NRXN3: variants seen among roughly 807,000 people sequenced by gnomAD.
NRXN3 encodes the protein neurexin 3.
In NRXN3, 32 loss-of-function variants were observed where a neutral mutation model predicts 137.6. The ratio of observed to expected loss-of-function variants is 0.23; its 90% CI spans 0.18 to 0.31. The LOEUF is 0.31. Among genes scored for constraint, NRXN3 ranks in the 10% least tolerant of loss-of-function variants. NRXN3 has a pLI of 1.00. For synonymous variants in NRXN3, 798 were observed against 784.5 expected (o/e 1.02, Z -0.29); for missense variants, 1,574 against 2,062.5 (o/e 0.76, Z 4.59).
intron 10 of NRXN3, among the ~76,000 whole-genome samples, chr14:78,930,016 C>G (rs1277503544): frequency 3.9e-5 from 6 of 152,118 alleles, no homozygotes; most frequent in African/African-American, 7.2e-5. Flanking sequence ...TTATTAATGT[C>G]AGCCTACCTT....
chr14:79,713,059 T>G (rs1418005058), intron 19 of NRXN3, among the ~76,000 whole-genome samples: 1 of 152,140 alleles, frequency 6.6e-6, no homozygotes, highest in Non-Finnish European at 1.5e-5. Flanking sequence ...GAAATTATCT[T>G]CACTAATAAA....
rs139596761 is a variant in NRXN3 at position 78,494,421 on chromosome 14, G to GTTTTTTTTTTTT, written c.758-150695_758-150694insTTTTTTTTTTTT. On this transcript the variant is annotated intron_variant, in intron 4 of 20. Coordinates refer to ENST00000335750, the MANE Select transcript of NRXN3 (RefSeq NM_001330195.2). ...GGCTTGAAAGAATCCTACCAGAGGT[G>GTTTTTTTTTTTT]TTTTGTTTTTTTTTTTGTCTGATTT... 1.8e-3 allele frequency among the ~76,000 whole-genome samples: 242 copies of GTTTTTTTTTTTT among 132,284 alleles called. 5 individuals carry two copies. The highest frequency in any genetic ancestry group is 3.4e-3 in the South Asian group (14 of 4,070). 86.8% of individuals were successfully genotyped at this position (132,284 alleles called of 152,430 possible). A position where few individuals can be genotyped will look rare whatever the true frequency, so the allele number is the denominator to read the frequency against.
chr14:79,426,858 A>G (rs1218024869), intron 15 of NRXN3, among the ~76,000 whole-genome samples: 1 of 152,140 alleles, frequency 6.6e-6, no homozygotes, highest in African/African-American at 2.4e-5. Flanking sequence ...TCCTTACTCT[A>G]TATTAGTGTT....
At chr14:79,538,715 G>T (rs1264180859) in intron 16 of NRXN3, among the ~76,000 whole-genome samples, 1 of 152,100 alleles carries the variant, frequency 6.6e-6, no homozygotes, top group Non-Finnish European at 1.5e-5. Context: ...TGATAGTTTA[G>T]TTTGCCAATC....
chr14:79,689,767 G>C (rs1028423939), intron 17 of NRXN3, among the ~76,000 whole-genome samples: 4 of 151,986 alleles, frequency 2.6e-5, no homozygotes, highest in African/African-American at 9.7e-5. Context: ...TTTCTATGGT[G>C]CTTTACGTTT....
rs138307978 is a variant in NRXN3 at position 78,794,210 on chromosome 14, C to T, written c.2045-9410C>T. Among the ~76,000 whole-genome samples, 377 of 151,966 alleles carry T rather than the reference C, an allele frequency of 2.5e-3. 3 individuals carry two copies. Among genetic ancestry groups the T allele is most frequent in the African/African-American group, 8.8e-3 (363 of 41,444 alleles). On this transcript the variant is annotated intron_variant, in intron 8 of 20. Coordinates refer to ENST00000335750, the MANE Select transcript of NRXN3 (RefSeq NM_001330195.2). ...CCAGCCTGACCAACATGGGAAACCC[C>T]GTCTCTACTAAAAATACAAAAATTA... is the stretch of plus-strand genomic sequence containing the variant.
At chr14:78,379,805 A>G (rs1355636373) in intron 4 of NRXN3, among the ~76,000 whole-genome samples, 4 of 152,316 alleles carry the variant, frequency 2.6e-5, no homozygotes, top group East Asian at 1.9e-4. Context: ...AAAGGAAGAA[A>G]TAAACTGCCC....
intron 8 of NRXN3, among the ~76,000 whole-genome samples, chr14:78,764,542 TTAA>T (rs1163149414): frequency 1.3e-5 from 2 of 152,206 alleles, no homozygotes; most frequent in Non-Finnish European, 2.9e-5. Flanking sequence ...TAAACTTTTC[TTAA>T]TTCTCCCCCC....
intron 16 of NRXN3, among the ~76,000 whole-genome samples, chr14:79,486,325 A>T (rs1236740580): frequency 6.6e-6 from 1 of 152,230 alleles, no homozygotes. Flanking sequence ...AAATATGTAT[A>T]TATGTATGTA....
chr14:79,807,611 T>G (rs1462681853), intron 20 of NRXN3, among the ~76,000 whole-genome samples: 1 of 152,192 alleles, frequency 6.6e-6, no homozygotes, highest in Non-Finnish European at 1.5e-5. Context: ...ACACCAACAT[T>G]TCTTGAATAA....
Position 78,216,080 on chromosome 14 carries a change from T to C in NRXN3, c.-703-26311T>C, listed in dbSNP as rs529345882. ...GGTATAAAAACTTTAATTGGTTTTA[T>C]TTTTGCGGCCATTTTTCCGTGTGTA... On this transcript the variant is annotated intron_variant, in intron 1 of 20. Transcript: ENST00000335750. 2.0e-5 allele frequency among the ~76,000 whole-genome samples: 3 copies of C among 152,358 alleles called. No individual in the cohort carries two copies. The East Asian group carries it at 5.8e-4, about 29-fold the overall frequency.
chr14:79,092,902 T>C (rs2049476673), intron 15 of NRXN3, among the ~76,000 whole-genome samples: 2 of 152,160 alleles, frequency 1.3e-5, no homozygotes, highest in Non-Finnish European at 1.5e-5. Context: ...CCCACCCTGT[T>C]ACCTTCTGAG....
chr14:78,271,033 C>T (rs1002406947), intron 2 of NRXN3, among the ~76,000 whole-genome samples: 1 of 152,182 alleles, frequency 6.6e-6, no homozygotes, highest in African/African-American at 2.4e-5. Context: ...AATGATGTTT[C>T]AACTTTGTGT....
intron 10 of NRXN3, among the ~76,000 whole-genome samples, chr14:78,838,959 G>A (rs1490485167): frequency 1.3e-5 from 2 of 152,140 alleles, no homozygotes; most frequent in African/African-American, 4.8e-5. Context: ...TGCTCATTTA[G>A]GTTATTTGCT....
rs144024797 is a variant in NRXN3, at chr14:79,497,893, G to T, written c.3444+30491G>T. 1.8e-4 allele frequency among the ~76,000 whole-genome samples: 27 copies of T among 152,168 alleles called. No individual in the cohort carries two copies. In the East Asian group the frequency reaches 4.7e-3, roughly 26 times the overall value. On this transcript the variant is annotated intron_variant, in intron 16 of 20. Coordinates refer to ENST00000335750, the MANE Select transcript of NRXN3 (RefSeq NM_001330195.2). ...CTACTAAAATACAAAAATTAACTGG[G>T]CATAGTGGTGCGCCCCTGTAGTCCC... is the stretch of plus-strand genomic sequence containing the variant.
At chr14:78,946,732 G>T (rs1222527614) in intron 10 of NRXN3, among the ~76,000 whole-genome samples, 2 of 152,136 alleles carry the variant, frequency 1.3e-5, no homozygotes, top group African/African-American at 4.8e-5. Context: ...CTGTTGCACA[G>T]AAGTATGAAG....
chr14:78,487,100 C>T (rs1239943925), intron 4 of NRXN3, among the ~76,000 whole-genome samples: 3 of 152,152 alleles, frequency 2.0e-5, no homozygotes, highest in Non-Finnish European at 4.4e-5. Flanking sequence ...TCTGAATGTA[C>T]CCAGTATTGG....
chr14:79,786,935 T>C (rs543705534), intron 19 of NRXN3, among the ~76,000 whole-genome samples: 1 of 152,352 alleles, frequency 6.6e-6, no homozygotes, highest in East Asian at 1.9e-4. Flanking sequence ...GACAGGCTAG[T>C]GTGGCCAAAG....
intron 10 of NRXN3, among the ~76,000 whole-genome samples, chr14:78,875,466 C>A (rs184486303): frequency 1.5e-5 from 2 of 133,766 alleles, no homozygotes; most frequent in East Asian, 4.9e-4. Flanking sequence ...CATACAGTGC[C>A]GTAATAAAAA....
Sources: allele counts gnomAD v4.1 joint callset (sites outside exome capture counted in the v4.1 genomes callset), GRCh38; gene constraint gnomAD v4.1.1; transcripts MANE v1.5; gene names NCBI Gene and HGNC (gene_info 2026-07-23, HGNC 2026-07-21).